Variants in CCDC198 observed in about 807,000 individuals in gnomAD.
The protein encoded by CCDC198 is factor associated with metabolism and energy.
In CCDC198, 18 loss-of-function variants were observed where a neutral mutation model predicts 35.6. The ratio of observed to expected loss-of-function variants is 0.51; its 90% confidence interval spans 0.35 to 0.75. The LOEUF is 0.75. CCDC198 is among the 30% of genes least tolerant of loss of function. The probability of loss-of-function intolerance (pLI) is 0.01; values close to 1 mark genes in which losing one functional copy is unlikely to be tolerated. For missense variants in CCDC198, 365 were observed against 343.7 expected, an observed-to-expected ratio of 1.06 and a Z score of -0.49; for synonymous variants, 119 against 113.4, an observed-to-expected ratio of 1.05 and a Z score of -0.31.
chr14:57,473,268 A>G (rs186924403), intron 5 of CCDC198, among the ~76,000 whole-genome samples: 64 of 152,300 alleles, frequency 4.2e-4, no homozygotes, highest in Non-Finnish European at 6.2e-4. Context: ...TAACCATCTT[A>G]ACGTCTGCAG....
chr14:57,474,662 T>G (rs2066914858), intron 5 of CCDC198, among the ~76,000 whole-genome samples: 1 of 152,234 alleles, frequency 6.6e-6, no homozygotes, highest in South Asian at 2.1e-4. Context: ...TCTTATTACT[T>G]GTTACATTTT....
chr14:57,483,294 A>G, intron 2 of CCDC198, 143 bp from the exon 3 acceptor site: 2 of 1,241,234 alleles, frequency 1.6e-6, no homozygotes, highest in Non-Finnish European at 1.1e-6. Context: ...TTCTAACAGC[A>G]TTACAGTTAT....
intron 1 of CCDC198, 29 bp downstream of exon 1, chr14:57,493,464 A>G (rs1334501682): frequency 1.3e-6 from 2 of 1,563,904 alleles, no homozygotes; most frequent in African/African-American, 2.7e-5. Context: ...GTCCAGATAC[A>G]CACATCTCAT....
In CCDC198 at chr14:57,471,067, T is replaced by C; in HGVS notation, c.*288A>G. The C allele has an allele frequency of 3.4e-6, 1 of 296,188 alleles. No homozygotes were observed. Among genetic ancestry groups the C allele is most frequent in the Non-Finnish European group, 6.3e-6 (1 of 158,186 alleles). 18.3% of individuals were successfully genotyped at this position (296,188 alleles called of 1,614,324 possible). A position where few individuals can be genotyped will look rare whatever the true frequency, so the allele number is the denominator to read the frequency against. On this transcript the variant is annotated 3_prime_UTR_variant, in exon 6 of 6. Coordinates refer to ENST00000216445, the MANE Select transcript of CCDC198 (RefSeq NM_018168.4). ...AGTCCAATTTCAATGACATGAAAGA[T>C]TTCAAAAGGGAACAGCAGAAGAACC...
At position 57,483,165 on chromosome 14, in the gene CCDC198, G is replaced by A; in HGVS notation, c.307-14C>T. The stretch of plus-strand genomic sequence containing the variant: ...GGGTTCAAGCTTCTAGAAGTTCAAC[G>A]TTTAGAGCAGTCAGCATTCCTCATG... On this transcript the variant is annotated splice_polypyrimidine_tract_variant and intron_variant, in intron 2 of 5. Coordinates refer to ENST00000216445, the MANE Select transcript of CCDC198 (RefSeq NM_018168.4). 1 of 1,613,966 alleles carries A rather than the reference G, an allele frequency of 6.2e-7. No individual in the cohort carries two copies.
rs761270897 is a variant in CCDC198, at chr14:57,493,573, GC to G, written c.142del (p.Ala48GlnfsTer65). ...NLEEKTSYSL[A>X]RLQDQNKALE... ...GGCTTTATTCTGGTCCTGCAGTCTT[GC>G]CAGTGAATATGAAGTCTTTTCTTCC... On this transcript the variant is annotated frameshift_variant, in exon 1 of 6. Coordinates refer to ENST00000216445, the MANE Select transcript of CCDC198 (RefSeq NM_018168.4). LOFTEE classifies it high-confidence loss of function. The G allele has an allele frequency of 6.2e-7, 1 of 1,613,974 alleles. No homozygotes were observed. The highest frequency in any genetic ancestry group is 8.5e-7 in the Non-Finnish European group (1 of 1,179,924).
Position 57,471,508 on chromosome 14 carries a change from C to T in CCDC198, c.738G>A (p.Trp246Ter). Residue 246 changes from tryptophan to a stop codon, truncating the protein, a stop_gained, in exon 6 of 6, where the codon TGG becomes TGA. Transcript: ENST00000216445. LOFTEE classifies it high-confidence loss of function. ...CPWKIGKMET[W>*]LHEQEAQGQL... ...GTCCCTGGGCCTCTTGTTCATGAAG[C>T]CATGTTTCCATTTTGCCAATTTTCC... 1.2e-6 allele frequency: 2 copies of T among 1,613,568 alleles called. No homozygotes were observed. The highest frequency in any genetic ancestry group is 8.5e-7 in the Non-Finnish European group (1 of 1,179,656).
intron 5 of CCDC198, chr14:57,475,788 CTTTTTTTTTTTTTTT>C (rs548486752): frequency 1.2e-4 from 13 of 108,830 alleles, no homozygotes; most frequent in South Asian, 2.9e-4. Context: ...CACTTAGCTT[CTTTTTTTTTTTTTTT>C]TTTTTTTTTT....
At chr14:57,493,172 T>C (rs1009552328) in intron 1 of CCDC198, among the ~76,000 whole-genome samples, 3 of 152,188 alleles carry the variant, frequency 2.0e-5, no homozygotes, top group African/African-American at 7.2e-5. Context: ...CACTAGTATC[T>C]ATATAATTTT....
chr14:57,475,845 AGGTTGGAGAGCAGT>A (rs2066978981), intron 5 of CCDC198: 1 of 256,098 alleles, frequency 3.9e-6, no homozygotes, highest in South Asian at 2.9e-5. Context: ...TCTGTCGACC[AGGTTGGAGAGCAGT>A]GGTGTGATCT....
intron 1 of CCDC198, among the ~76,000 whole-genome samples, chr14:57,492,670 G>C (rs1250475731): frequency 2.6e-5 from 4 of 151,990 alleles, no homozygotes; most frequent in Non-Finnish European, 4.4e-5. Context: ...AGATTTGCTA[G>C]GTACCAAAAG....
chr14:57,480,843 G>A lies in CCDC198; in HGVS notation c.496-89C>T, dbSNP rs1301706891. 6 of 1,354,422 alleles carry A rather than the reference G, an allele frequency of 4.4e-6. No homozygotes were observed. The East Asian group carries it at 1.4e-4, about 31-fold the overall frequency. The allele number at this position is 1,354,422 out of a possible 1,614,324, so 83.9% of individuals were successfully genotyped here. The stretch of plus-strand genomic sequence containing the variant: ...ACAGATCAGCCACTTTGCAAGTTGT[G>A]TGCTTATCTGTAGACATCTGCAGTC... On this transcript the variant is annotated intron_variant, in intron 4 of 5. Coordinates refer to ENST00000216445, the MANE Select transcript of CCDC198 (RefSeq NM_018168.4).
At chr14:57,482,306 T>C (rs532795536) in intron 3 of CCDC198, among the ~76,000 whole-genome samples, 65 of 152,170 alleles carry the variant, frequency 4.3e-4, no homozygotes, top group Non-Finnish European at 8.1e-4. Flanking sequence ...GGAAAGATGA[T>C]GTGTTTGACA....
chr14:57,481,767 C>G lies in CCDC198; in HGVS notation c.394-107G>C. Reference sequence around the variant, plus strand: ...AGAGTCAGATCTTAATCAGTCATAACCTGTAGAGATATCTTGTGATGACAA... The same window carrying G: ...AGAGTCAGATCTTAATCAGTCATAAGCTGTAGAGATATCTTGTGATGACAA... On this transcript the variant is annotated intron_variant, in intron 3 of 5. Transcript: ENST00000216445. 4.4e-6 allele frequency: 3 copies of G among 686,160 alleles called. No homozygotes were observed. In the South Asian group the frequency reaches 5.6e-5, roughly 13 times the overall value. 42.5% of individuals were successfully genotyped at this position (686,160 alleles called of 1,614,324 possible).
Position 57,480,766 on chromosome 14 carries a change from C to T in CCDC198, c.496-12G>A. ...AACTCCATTTGGGCCTGAAAATCATCAACTATAAATGATCAATGTTCTTCC... is the reference window on the plus strand; with the variant it reads ...AACTCCATTTGGGCCTGAAAATCATTAACTATAAATGATCAATGTTCTTCC... On this transcript the variant is annotated splice_polypyrimidine_tract_variant and intron_variant, in intron 4 of 5. Coordinates refer to ENST00000216445, the MANE Select transcript of CCDC198 (RefSeq NM_018168.4). 1 of 1,613,334 alleles carries T rather than the reference C, an allele frequency of 6.2e-7. No individual in the cohort carries two copies. Among genetic ancestry groups the T allele is most frequent in the Non-Finnish European group, 8.5e-7 (1 of 1,179,668 alleles).
Position 57,490,969 on chromosome 14 carries a change from G to T in CCDC198, c.306+20C>A. 1 of 1,526,384 alleles carries T rather than the reference G, an allele frequency of 6.6e-7. No individual in the cohort carries two copies. Among genetic ancestry groups the T allele is most frequent in the Non-Finnish European group, 9.1e-7 (1 of 1,103,262 alleles). The allele number at this position is 1,526,384 out of a possible 1,614,324, so 94.6% of individuals were successfully genotyped here. ...TTTTATCCAAGAAATTCCTTATGAA[G>T]CCTTTTAAATTCATCTTACTTGAAG... On this transcript the variant is annotated intron_variant, in intron 2 of 5. Coordinates refer to ENST00000216445, the MANE Select transcript of CCDC198 (RefSeq NM_018168.4).
intron 1 of CCDC198, among the ~76,000 whole-genome samples, chr14:57,492,861 G>C (rs2067622580): frequency 1.3e-5 from 2 of 151,982 alleles, no homozygotes; most frequent in South Asian, 4.2e-4. Context: ...ATTTTACATG[G>C]CTTATAAAAT....
intron 4 of CCDC198, 28 bp from the exon 5 acceptor site, chr14:57,480,782 A>C: frequency 6.2e-7 from 1 of 1,611,584 alleles, no homozygotes; most frequent in Non-Finnish European, 8.5e-7. Flanking sequence ...TAAATGATCA[A>C]TGTTCTTCCC....
At chr14:57,484,296 A>G (rs1051666917) in intron 2 of CCDC198, among the ~76,000 whole-genome samples, 1 of 152,204 alleles carries the variant, frequency 6.6e-6, no homozygotes, top group Non-Finnish European at 1.5e-5. Context: ...AAAAGGGGAA[A>G]TCTGGACACA....
Sources: allele counts gnomAD v4.1 joint callset (sites outside exome capture counted in the v4.1 genomes callset), GRCh38; gene constraint gnomAD v4.1.1; transcripts MANE v1.5; gene names NCBI Gene and HGNC (gene_info 2026-07-23, HGNC 2026-07-21).